The following UBN2 variants were observed in gnomAD, a reference collection of about 807,000 sequenced individuals.
UBN2 encodes ubinuclein-2.
UBN2 carries 35 observed loss-of-function variants against 120.2 expected under a neutral mutation model. That is an observed-to-expected ratio of 0.29 (90% confidence interval 0.22 to 0.39). The LOEUF is 0.39. Among genes scored for constraint, UBN2 ranks in the 10% least tolerant of loss-of-function variants. UBN2 has a pLI of 1.00. For missense variants in UBN2, 1,693 were observed against 1,663.2 expected (o/e 1.02, Z -0.31); for synonymous variants, 661 against 648.7 (o/e 1.02, Z -0.29).
the UBN2 span, among the ~76,000 whole-genome samples, chr7:139,329,261 T>A: frequency 6.6e-6 from 1 of 151,676 alleles, no homozygotes; most frequent in Non-Finnish European, 1.5e-5. Context: ...GAGATGTCTC[T>A]GAACAATTTG....
intron 1 of UBN2, among the ~76,000 whole-genome samples, chr7:139,236,688 GTA>G (rs936547043): frequency 1.1e-4 from 16 of 151,446 alleles, no homozygotes; most frequent in Non-Finnish European, 1.9e-4. Flanking sequence ...ACTGTGAAAT[GTA>G]TATGAGTCCA....
intron 8 of UBN2, among the ~76,000 whole-genome samples, chr7:139,270,213 G>GT (rs1797229100): frequency 6.6e-6 from 1 of 150,622 alleles, no homozygotes. Context: ...TCTGCAGCTT[G>GT]TAATGCTCAA....
chr7:139,286,886 C>G (rs1797806636), intron 15 of UBN2, among the ~76,000 whole-genome samples: 1 of 152,150 alleles, frequency 6.6e-6, no homozygotes, highest in African/African-American at 2.4e-5. Context: ...TTCAAATCAT[C>G]ATTCTGCTAC....
chr7:139,254,247 C>G (rs764342510), intron 3 of UBN2, among the ~76,000 whole-genome samples: 1 of 151,986 alleles, frequency 6.6e-6, no homozygotes, highest in African/African-American at 2.4e-5. Flanking sequence ...GAGCCGAGAT[C>G]GCGCCACTGT....
At chr7:139,294,069 T>A in intron 17 of UBN2, 88 bp downstream of exon 17, 1 of 1,389,794 alleles carries the variant, frequency 7.2e-7, no homozygotes. Context: ...GTGAATGGAA[T>A]GACAAAGGTT....
chr7:139,325,271 T>C, the UBN2 span, among the ~76,000 whole-genome samples: 1 of 141,300 alleles, frequency 7.1e-6, no homozygotes, highest in Non-Finnish European at 1.5e-5. Flanking sequence ...CTTTTTTTTT[T>C]TTTTTTTTTT....
intron 6 of UBN2, among the ~76,000 whole-genome samples, chr7:139,262,881 T>C (rs1258909263): frequency 6.6e-6 from 1 of 152,278 alleles, no homozygotes. Context: ...TTAGTTTCTT[T>C]TAGGTTTTAA....
chr7:139,233,136 C>T (rs533633952), intron 1 of UBN2, among the ~76,000 whole-genome samples: 1 of 152,158 alleles, frequency 6.6e-6, no homozygotes, highest in South Asian at 2.1e-4. Context: ...TTGTTTACTT[C>T]ATGGCCAGCT....
intron 15 of UBN2, among the ~76,000 whole-genome samples, chr7:139,287,935 A>G: frequency 6.6e-6 from 1 of 152,178 alleles, no homozygotes; most frequent in East Asian, 1.9e-4. Context: ...AGTGAAAATG[A>G]CAGGTCCTTT....
At chr7:139,262,228 T>C (rs1216289715) in intron 6 of UBN2, among the ~76,000 whole-genome samples, 1 of 152,080 alleles carries the variant, frequency 6.6e-6, no homozygotes, top group Admixed American at 6.6e-5. Flanking sequence ...GCCTCCCAAA[T>C]ATCTGGGATT....
In UBN2 at chr7:139,293,235, A is replaced by G; in HGVS notation, c.3673A>G (p.Thr1225Ala). ...TTGACCCCTGGTTTCTGCACAGTCC[A>G]CAGCAGGAGCATCATTATTGGCTAA... ...SSVVTASVQSTAGASLLANAS... is the reference protein window; with the variant it reads ...SSVVTASVQSAAGASLLANAS... The change falls in exon 16 of 18, where the codon ACA (threonine) becomes GCA (alanine). Residue 1225 changes from threonine (T) to alanine (A), a missense_variant. Thr to Ala is a moderately conservative substitution (Grantham distance 58). Around this residue, in one of 5 missense-constraint regions of UBN2, gnomAD observed 837 missense variants for 817.6 expected, o/e 1.02. Coordinates refer to ENST00000473989, the MANE Select transcript of UBN2 (RefSeq NM_173569.4). The G allele has an allele frequency of 6.2e-7, 1 of 1,614,024 alleles. No homozygotes were observed.
chr7:139,233,725 C>T (rs897189297), intron 1 of UBN2, among the ~76,000 whole-genome samples: 2 of 152,092 alleles, frequency 1.3e-5, no homozygotes, highest in African/African-American at 2.4e-5. Flanking sequence ...TTTATTATGT[C>T]TCTGTTTATG....
In UBN2 at chr7:139,301,858, A is replaced by G. The variant is rs900230329; in HGVS notation, c.*4022A>G. The G allele has an allele frequency of 6.6e-6, 1 of 152,200 alleles. No individual in the cohort carries two copies. Among genetic ancestry groups the G allele is most frequent in the African/African-American group, 2.4e-5 (1 of 41,528 alleles). The allele number at this position is 152,200 out of a possible 1,614,324, so 9.4% of individuals were successfully genotyped here. On this transcript the variant is annotated 3_prime_UTR_variant, in exon 18 of 18. Coordinates refer to ENST00000473989, the MANE Select transcript of UBN2 (RefSeq NM_173569.4). ...GAGGCACTTTTACTTTCTATTGTGC[A>G]TGTATGATTGTTGTTTTTTGCTTTT...
In UBN2 at chr7:139,258,604, C is replaced by A; in HGVS notation, c.780C>A (p.Asn260Lys). The change falls in exon 4 of 18, where the codon AAC (asparagine) becomes AAA (lysine). Residue 260 changes from asparagine (N) to lysine (K), a missense_variant. Physicochemically the swap from Asn to Lys is moderately conservative, Grantham distance 94 (BLOSUM62 0). Coordinates refer to ENST00000473989, the MANE Select transcript of UBN2 (RefSeq NM_173569.4). ...CTGAAGAAGATGATATTACAGACAA[C>A]CAAAAGCACAAGCCACCCAAGGTGA... is the stretch of plus-strand genomic sequence containing the variant. ...SDTEEDDITD[N>K]QKHKPPKVPK... is the part of the protein sequence containing the mutation. 6.3e-7 allele frequency: 1 copy of A among 1,597,222 alleles called. No individual in the cohort carries two copies. Among genetic ancestry groups the A allele is most frequent in the Non-Finnish European group, 8.5e-7 (1 of 1,170,472 alleles).
intron 2 of UBN2, among the ~76,000 whole-genome samples, chr7:139,247,463 C>A (rs1796501305): frequency 6.6e-6 from 1 of 152,156 alleles, no homozygotes; most frequent in Non-Finnish European, 1.5e-5. Flanking sequence ...TATAACTTCT[C>A]ATATAGAATT....
Position 139,283,633 on chromosome 7 carries a change from C to A in UBN2, c.2728C>A (p.His910Asn). 6.2e-7 allele frequency: 1 copy of A among 1,614,234 alleles called. No individual in the cohort carries two copies. Among genetic ancestry groups the A allele is most frequent in the Non-Finnish European group, 8.5e-7 (1 of 1,180,042 alleles). ...SSQAQIAASS[H>N]ALGTSEAQDA... ...CCAAGCCCAAATTGCTGCCTCTTCT[C>A]ATGCTCTGGGAACATCCGAGGCCCA... Residue 910 changes from histidine to asparagine, a missense_variant, in exon 15 of 18, where the codon CAT becomes AAT. His to Asn is a moderately conservative substitution (Grantham distance 68). Transcript: ENST00000473989.
At chr7:139,287,857 C>T (rs1170850790) in intron 15 of UBN2, among the ~76,000 whole-genome samples, 1 of 152,120 alleles carries the variant, frequency 6.6e-6, no homozygotes, top group African/African-American at 2.4e-5. Context: ...AAACAGAGTT[C>T]CTATCTATGC....
chr7:139,289,960 C>A (rs2131056003), intron 15 of UBN2, among the ~76,000 whole-genome samples: 1 of 152,072 alleles, frequency 6.6e-6, no homozygotes, highest in African/African-American at 2.4e-5. Flanking sequence ...GTGGCACAAT[C>A]TCGGCTCACT....
chr7:139,315,277 T>A, the UBN2 span: 1 of 152,130 alleles, frequency 6.6e-6, no homozygotes, highest in Admixed American at 6.6e-5. Context: ...GCCCGGGAGA[T>A]ATAATATTTT....
Sources: gnomAD v4.1 joint callset for allele counts (sites outside exome capture counted in the v4.1 genomes callset) on GRCh38, gnomAD v4.1.1 for gene constraint, gnomAD v4.1.1 regional missense constraint, MANE v1.5 for transcripts, NCBI Gene and HGNC (gene_info 2026-07-23, HGNC 2026-07-21) for gene names.